CACNA2D1: variants seen among roughly 807,000 people sequenced by gnomAD.
CACNA2D1 encodes voltage-dependent calcium channel subunit alpha-2/delta-1.
Under a neutral mutation model 171.5 loss-of-function variants are expected in CACNA2D1, and 53 were observed. The ratio of observed to expected loss-of-function variants is 0.31; its 90% CI spans 0.25 to 0.39. The LOEUF (loss-of-function observed/expected upper bound fraction) is 0.39. CACNA2D1 is among the 10% of genes least tolerant of loss of function. The probability of loss-of-function intolerance (pLI) is 1.00; values close to 1 mark genes in which losing one functional copy is unlikely to be tolerated. For missense variants in CACNA2D1, 903 were observed against 1,299.8 expected (o/e 0.69, Z 4.69); for synonymous variants, 442 against 443.1 (o/e 1.00, Z 0.03).
chr7:82,249,167 G>T (rs1199145878), intron 3 of CACNA2D1, among the ~76,000 whole-genome samples: 2 of 152,024 alleles, frequency 1.3e-5, no homozygotes, highest in East Asian at 3.9e-4. Context: ...TTTTCCCAAG[G>T]TGTCATGGGA....
At chr7:82,332,792 T>C (rs1050098436) in intron 3 of CACNA2D1, among the ~76,000 whole-genome samples, 1 of 152,016 alleles carries the variant, frequency 6.6e-6, no homozygotes, top group African/African-American at 2.4e-5. Context: ...TTGAGCCCAG[T>C]AGTTAAAGGC....
At chr7:82,311,674 G>T (rs1319983994) in intron 3 of CACNA2D1, among the ~76,000 whole-genome samples, 3 of 152,086 alleles carry the variant, frequency 2.0e-5, no homozygotes, top group African/African-American at 7.2e-5. Context: ...TTATTTTATA[G>T]CAATATAGTT....
At chr7:82,240,472 A>G (rs548320746) in intron 3 of CACNA2D1, among the ~76,000 whole-genome samples, 1 of 152,298 alleles carries the variant, frequency 6.6e-6, no homozygotes, top group African/African-American at 2.4e-5. Context: ...GCCTCCTTTC[A>G]TAAGGACATG....
intron 1 of CACNA2D1, among the ~76,000 whole-genome samples, chr7:82,394,863 C>G (rs1032533116): frequency 6.6e-6 from 1 of 152,134 alleles, no homozygotes; most frequent in Non-Finnish European, 1.5e-5. Flanking sequence ...CTGGGTTTGA[C>G]TAAAGTGAAC....
chr7:82,062,277 T>A (rs1268972014), intron 9 of CACNA2D1, among the ~76,000 whole-genome samples: 1 of 152,102 alleles, frequency 6.6e-6, no homozygotes, highest in African/African-American at 2.4e-5. Context: ...TGCAAAGGCA[T>A]TTTCAATCCT....
chr7:82,249,256 T>C (rs1435444341), intron 3 of CACNA2D1, among the ~76,000 whole-genome samples: 2 of 152,154 alleles, frequency 1.3e-5, no homozygotes, highest in Non-Finnish European at 2.9e-5. Flanking sequence ...AGACAGTTAC[T>C]CTAGAGTTGA....
At chr7:82,242,678 G>A (rs929976504) in intron 3 of CACNA2D1, among the ~76,000 whole-genome samples, 9 of 152,040 alleles carry the variant, frequency 5.9e-5, no homozygotes, top group African/African-American at 2.2e-4. Context: ...TAACACAGAA[G>A]AAATATTCAT....
intron 3 of CACNA2D1, among the ~76,000 whole-genome samples, chr7:82,186,716 G>A (rs1797821001): frequency 6.6e-6 from 1 of 151,976 alleles, no homozygotes. Flanking sequence ...GAAATAGAAG[G>A]TAAGATTTCT....
Position 81,950,033 on chromosome 7 carries a change from C to A in CACNA2D1, c.*359G>T. 1 of 192,284 alleles carries A rather than the reference C, an allele frequency of 5.2e-6. No homozygotes were observed. Among genetic ancestry groups the A allele is most frequent in the Non-Finnish European group, 1.1e-5 (1 of 94,014 alleles). The allele number at this position is 192,284 out of a possible 1,614,324, so 11.9% of individuals were successfully genotyped here. ...AGTAAAATTGCAGCAAGTCAAAATTCCAGGTCAATATCAAGACATTTCTTA... is the reference window on the plus strand; with the variant it reads ...AGTAAAATTGCAGCAAGTCAAAATTACAGGTCAATATCAAGACATTTCTTA... On this transcript the variant is annotated 3_prime_UTR_variant, in exon 39 of 39. Transcript: ENST00000356860.
chr7:82,003,356 T>G (rs1584365644), intron 18 of CACNA2D1, among the ~76,000 whole-genome samples: 1 of 152,068 alleles, frequency 6.6e-6, no homozygotes, highest in East Asian at 1.9e-4. Flanking sequence ...GGAAGAAAAA[T>G]ATCAATTGGG....
At chr7:82,001,597 A>T in intron 18 of CACNA2D1, 1 of 515,158 alleles carries the variant, frequency 1.9e-6, no homozygotes, top group Non-Finnish European at 3.4e-6. Context: ...ACAGAAGCTT[A>T]ATCCCAACTT....
At chr7:82,180,388 C>T (rs1249871923) in intron 3 of CACNA2D1, among the ~76,000 whole-genome samples, 4 of 152,046 alleles carry the variant, frequency 2.6e-5, no homozygotes, top group African/African-American at 4.8e-5. Context: ...GATACTGATG[C>T]GAACACAAAG....
chr7:82,084,676 A>C (rs1302621881), intron 7 of CACNA2D1, 93 bp downstream of exon 7: 11 of 1,367,058 alleles, frequency 8.0e-6, no homozygotes, highest in Admixed American at 1.7e-5. Context: ...TGATATAGTC[A>C]TATTTTTCTT....
intron 4 of CACNA2D1, among the ~76,000 whole-genome samples, chr7:82,160,520 T>C (rs1794839819): frequency 6.6e-6 from 1 of 152,054 alleles, no homozygotes; most frequent in South Asian, 2.1e-4. Context: ...ATTTGGGAGA[T>C]ATGTGGAAGG....
chr7:82,206,013 G>C (rs902174673), intron 3 of CACNA2D1, among the ~76,000 whole-genome samples: 1 of 151,922 alleles, frequency 6.6e-6, no homozygotes, highest in Non-Finnish European at 1.5e-5. Flanking sequence ...TTTATCTGGA[G>C]GTTTCCCATT....
intron 3 of CACNA2D1, among the ~76,000 whole-genome samples, chr7:82,287,135 T>A (rs998819966): frequency 2.6e-5 from 4 of 152,222 alleles, no homozygotes; most frequent in African/African-American, 9.6e-5. Flanking sequence ...TTAGCGCCAA[T>A]GTATTATTTT....
intron 32 of CACNA2D1, among the ~76,000 whole-genome samples, chr7:81,964,735 C>A (rs1478230005): frequency 1.3e-5 from 2 of 151,840 alleles, no homozygotes; most frequent in Non-Finnish European, 2.9e-5. Context: ...CAACATACAA[C>A]AGAGGACTGT....
chr7:82,282,709 G>A (rs1481449433), intron 3 of CACNA2D1, among the ~76,000 whole-genome samples: 1 of 149,458 alleles, frequency 6.7e-6, no homozygotes, highest in Non-Finnish European at 1.5e-5. Flanking sequence ...AAATGTGGGG[G>A]GGGGAATCAC....
Position 81,948,224 on chromosome 7 carries a change from A to G in CACNA2D1, c.*2168T>C, listed in dbSNP as rs1792194638. The G allele has an allele frequency of 1.3e-5, 2 of 151,954 alleles. No individual in the cohort carries two copies. Among genetic ancestry groups the G allele is most frequent in the South Asian group, 4.1e-4 (2 of 4,832 alleles). 9.4% of individuals were successfully genotyped at this position (151,954 alleles called of 1,614,324 possible). On this transcript the variant is annotated 3_prime_UTR_variant, in exon 39 of 39. Coordinates refer to ENST00000356860, the MANE Select transcript of CACNA2D1 (RefSeq NM_000722.4). ...ACACTATCATGATTTAAGATAGTCT[A>G]GCAAAAATTGAACAATAACTTTTAA...
Sources: gnomAD v4.1 joint callset for allele counts (sites outside exome capture counted in the v4.1 genomes callset) on GRCh38, gnomAD v4.1.1 for gene constraint, MANE v1.5 for transcripts, NCBI Gene and HGNC (gene_info 2026-07-23, HGNC 2026-07-21) for gene names.